Variants in CRTAC1 observed in about 807,000 individuals in gnomAD.
CRTAC1 encodes acidic secreted protein in cartilage.
A neutral mutation model predicts 67.8 loss-of-function variants in CRTAC1; 37 were observed. That is an observed-to-expected ratio of 0.55 (90% CI 0.42 to 0.72). The LOEUF is 0.72. Among genes scored for constraint, CRTAC1 ranks in the 30% least tolerant of loss-of-function variants. The probability of loss-of-function intolerance (pLI) is 0.00; values close to 1 mark genes in which losing one functional copy is unlikely to be tolerated. For synonymous variants in CRTAC1, 348 were observed against 371.0 expected, an observed-to-expected ratio of 0.94 and a Z score of 0.71; for missense variants, 780 against 931.6, an observed-to-expected ratio of 0.84 and a Z score of 2.12.
At chr10:97,950,734 G>T (rs1211357861) in intron 2 of CRTAC1, among the ~76,000 whole-genome samples, 1 of 152,216 alleles carries the variant, frequency 6.6e-6, no homozygotes, top group Non-Finnish European at 1.5e-5. Flanking sequence ...GATCAGAAAA[G>T]GCCTATTCTG....
intron 2 of CRTAC1, among the ~76,000 whole-genome samples, chr10:97,974,391 C>A (rs2051764986): frequency 6.6e-6 from 1 of 152,306 alleles, no homozygotes; most frequent in Middle Eastern, 3.4e-3. Context: ...TGCACTCAGG[C>A]ACCTCCGGTT....
chr10:97,960,428 A>T (rs1447821978), intron 2 of CRTAC1, among the ~76,000 whole-genome samples: 1 of 152,214 alleles, frequency 6.6e-6, no homozygotes, highest in Non-Finnish European at 1.5e-5. Flanking sequence ...CCATACATAC[A>T]TATGCATGTG....
At chr10:98,005,917 T>G (rs1411013329) in intron 2 of CRTAC1, among the ~76,000 whole-genome samples, 1 of 152,202 alleles carries the variant, frequency 6.6e-6, no homozygotes, top group Admixed American at 6.5e-5. Flanking sequence ...AAGAAAAACC[T>G]AAAACACTGC....
At chr10:97,967,375 C>T (rs2051635427) in intron 2 of CRTAC1, among the ~76,000 whole-genome samples, 1 of 152,172 alleles carries the variant, frequency 6.6e-6, no homozygotes, top group South Asian at 2.1e-4. Flanking sequence ...GCTCCAGGCT[C>T]ACTTTGTATA....
chr10:97,890,220 G>A (rs930098890), intron 11 of CRTAC1, among the ~76,000 whole-genome samples: 23 of 152,228 alleles, frequency 1.5e-4, no homozygotes, highest in Non-Finnish European at 3.2e-4. Context: ...GGCCTTGAGC[G>A]ATCTTCCTGC....
In CRTAC1 at chr10:98,027,124, G is replaced by T. The variant is rs7070773; in HGVS notation, c.24+3325C>A. Among the ~76,000 whole-genome samples the T allele has an allele frequency of 9.8e-3, 1,476 of 150,120 alleles. 35 individuals are homozygous for T. The highest frequency in any genetic ancestry group is 0.034 in the African/African-American group (1,368 of 40,630). ...GGAGCTTGCAGTGAGCCGAGATTGC[G>T]CCACTGCACTCCAGCCTGGGCGACA... On this transcript the variant is annotated intron_variant, in intron 1 of 14. Transcript: ENST00000370597.
Position 97,917,565 on chromosome 10 carries a change from T to C in CRTAC1, c.650A>G (p.Asp217Gly). ...GAGCGCCAGAATGCCCCGGGAGAGG[T>C]CACTGGCCTCAGGGTCCATTTCAAT... ...ALIEMDPEAS[D>G]LSRGILALRD... Residue 217 changes from aspartate (D) to glycine (G), a missense_variant, in exon 5 of 15, where the codon GAC becomes GGC. Transcript: ENST00000370597. 1 of 1,602,820 alleles carries C rather than the reference T, an allele frequency of 6.2e-7. No individual in the cohort carries two copies. The highest frequency in any genetic ancestry group is 8.5e-7 in the Non-Finnish European group (1 of 1,173,934).
At chr10:97,953,826 C>A (rs1022924476) in intron 2 of CRTAC1, among the ~76,000 whole-genome samples, 13 of 152,202 alleles carry the variant, frequency 8.5e-5, no homozygotes, top group Admixed American at 2.0e-4. Flanking sequence ...TATTCATGAG[C>A]AAACATATTA....
intron 2 of CRTAC1, among the ~76,000 whole-genome samples, chr10:98,010,288 T>C (rs1442578304): frequency 1.3e-5 from 2 of 152,072 alleles, no homozygotes; most frequent in African/African-American, 4.8e-5. Context: ...GATTCACCCA[T>C]CTCGGCCTCC....
intron 1 of CRTAC1, among the ~76,000 whole-genome samples, chr10:98,017,881 C>T (rs1185300017): frequency 6.6e-6 from 1 of 151,676 alleles, no homozygotes; most frequent in African/African-American, 2.4e-5. Flanking sequence ...TTGAACAATT[C>T]CCAGCAAGGT....
At chr10:97,890,313 T>G (rs1247360897) in intron 11 of CRTAC1, among the ~76,000 whole-genome samples, 1 of 152,142 alleles carries the variant, frequency 6.6e-6, no homozygotes, top group African/African-American at 2.4e-5. Flanking sequence ...CTCGCCATGT[T>G]GCCTAGGCTG....
rs373306534 is a variant in CRTAC1, at chr10:97,884,175, C to T, written c.1632+31G>A. The stretch of plus-strand genomic sequence containing the variant: ...GGGGTTGTGGGTGGTGCCCGCTTTT[C>T]TGGCTATGAGGCCCAGATGCCTTTG... On this transcript the variant is annotated intron_variant, in intron 12 of 14. Coordinates refer to ENST00000370597, the MANE Select transcript of CRTAC1 (RefSeq NM_018058.7). The T allele has an allele frequency of 2.6e-6, 4 of 1,548,276 alleles. No homozygotes were observed. In the African/African-American group the frequency reaches 5.5e-5, roughly 21 times the overall value.
intron 4 of CRTAC1, among the ~76,000 whole-genome samples, chr10:97,919,266 C>T (rs1052304707): frequency 4.6e-5 from 7 of 152,072 alleles, no homozygotes; most frequent in Admixed American, 2.0e-4. Flanking sequence ...TACAGGATTT[C>T]CTGGGCACAC....
In CRTAC1 at chr10:97,936,196, A is replaced by T. The variant is rs2051083657; in HGVS notation, c.395T>A (p.Phe132Tyr). ...CGAGAAGGCATTATTGGTGTTGAGG[A>T]AGTAGATCTCCTCCCGGCCGTCCCC... ...IDGDGREEIY[F>Y]LNTNNAFSGV... Residue 132 changes from phenylalanine to tyrosine, a missense_variant, in exon 3 of 15, where the codon TTC becomes TAC. Phe to Tyr is a conservative substitution (Grantham distance 22). Transcript: ENST00000370597. 6.2e-7 allele frequency: 1 copy of T among 1,612,864 alleles called. No individual in the cohort carries two copies. Among genetic ancestry groups the T allele is most frequent in the Non-Finnish European group, 8.5e-7 (1 of 1,179,376 alleles).
chr10:97,999,357 T>C (rs1305192455), intron 2 of CRTAC1, among the ~76,000 whole-genome samples: 1 of 152,238 alleles, frequency 6.6e-6, no homozygotes, highest in Non-Finnish European at 1.5e-5. Context: ...TCCCTGCTGT[T>C]GGCACCTGCT....
intron 2 of CRTAC1, among the ~76,000 whole-genome samples, chr10:97,972,242 A>G (rs1380752488): frequency 2.0e-5 from 3 of 152,258 alleles, no homozygotes; most frequent in Non-Finnish European, 4.4e-5. Flanking sequence ...ATGAGTCAGG[A>G]GGGCAGTCCT....
intron 2 of CRTAC1, among the ~76,000 whole-genome samples, chr10:98,001,863 A>T (rs1564930537): frequency 6.6e-6 from 1 of 152,290 alleles, no homozygotes; most frequent in Non-Finnish European, 1.5e-5. Context: ...CCACCTGCTC[A>T]CCAGGTCAGT....
chr10:97,969,202 A>G (rs1356548823), intron 2 of CRTAC1, among the ~76,000 whole-genome samples: 1 of 152,194 alleles, frequency 6.6e-6, no homozygotes, highest in Admixed American at 6.5e-5. Context: ...GCTCCAATCC[A>G]AGAGTGTATT....
At chr10:97,988,461 C>T (rs982004531) in intron 2 of CRTAC1, among the ~76,000 whole-genome samples, 8 of 152,190 alleles carry the variant, frequency 5.3e-5, no homozygotes, top group Non-Finnish European at 8.8e-5. Flanking sequence ...GTGGCTCATG[C>T]CTGTAATCCC....
Sources: allele counts gnomAD v4.1 joint callset (sites outside exome capture counted in the v4.1 genomes callset), GRCh38; gene constraint gnomAD v4.1.1; transcripts MANE v1.5; gene names NCBI Gene and HGNC (gene_info 2026-07-23, HGNC 2026-07-21).